Variants in NUDT7 observed in about 807,000 individuals in gnomAD.
NUDT7 encodes the protein nudix hydrolase 7.
A neutral mutation model predicts 13.1 loss-of-function variants in NUDT7; 19 were observed. The ratio of observed to expected loss-of-function variants is 1.45; its 90% CI spans 1.01 to 2.13. The LOEUF (loss-of-function observed/expected upper bound fraction) is 2.13, where lower values mean the gene tolerates loss of function less well. NUDT7 is among the 30% of genes most tolerant of loss of function. The pLI is 0.00. For missense variants in NUDT7, 360 were observed against 291.7 expected, an observed-to-expected ratio of 1.23 and a Z score of -1.71; for synonymous variants, 132 against 109.7, an observed-to-expected ratio of 1.20 and a Z score of -1.27.
chr16:77,731,528 T>C (rs903931872), intron 2 of NUDT7, among the ~76,000 whole-genome samples: 1 of 152,184 alleles, frequency 6.6e-6, no homozygotes, highest in African/African-American at 2.4e-5. Flanking sequence ...CACATACAAT[T>C]ATGCACAATA....
chr16:77,727,922 T>G (rs1386109782), intron 2 of NUDT7, among the ~76,000 whole-genome samples: 1 of 152,098 alleles, frequency 6.6e-6, no homozygotes, highest in Non-Finnish European at 1.5e-5. Flanking sequence ...AACAATAATA[T>G]AGGAAATCTA....
At chr16:77,733,695 C>T (rs1223957272) in intron 2 of NUDT7, among the ~76,000 whole-genome samples, 1 of 152,188 alleles carries the variant, frequency 6.6e-6, no homozygotes, top group Non-Finnish European at 1.5e-5. Flanking sequence ...CATTCCCGTG[C>T]ATCCGCTCCA....
intron 3 of NUDT7, among the ~76,000 whole-genome samples, chr16:77,738,174 G>T (rs2014548900): frequency 6.6e-6 from 1 of 152,136 alleles, no homozygotes; most frequent in Non-Finnish European, 1.5e-5. Flanking sequence ...GCATTTGGAG[G>T]ATTTACTTTA....
At chr16:77,740,613 G>A (rs891975686) in intron 3 of NUDT7, among the ~76,000 whole-genome samples, 6 of 152,036 alleles carry the variant, frequency 3.9e-5, no homozygotes, top group East Asian at 1.9e-4. Flanking sequence ...GCATGATCTC[G>A]GCTCACTGCA....
At chr16:77,732,203 C>T (rs2014338906) in intron 2 of NUDT7, among the ~76,000 whole-genome samples, 1 of 151,978 alleles carries the variant, frequency 6.6e-6, no homozygotes, top group Non-Finnish European at 1.5e-5. Flanking sequence ...TGGCGGGTGC[C>T]TGTAATTCCA....
At chr16:77,740,863 C>T (rs570510128) in intron 3 of NUDT7, among the ~76,000 whole-genome samples, 6 of 152,234 alleles carry the variant, frequency 3.9e-5, no homozygotes, top group Admixed American at 3.3e-4. Context: ...TGTTCATTTG[C>T]AAGCAGTTGT....
At chr16:77,727,955 A>G (rs896061970) in intron 2 of NUDT7, among the ~76,000 whole-genome samples, 20 of 152,108 alleles carry the variant, frequency 1.3e-4, no homozygotes, top group South Asian at 4.2e-4. Flanking sequence ...AACTCAACCA[A>G]CGGGGTCTCT....
rs994526743 is a variant in NUDT7 at position 77,742,014 on chromosome 16, A to G, written c.*64A>G. On this transcript the variant is annotated 3_prime_UTR_variant, in exon 4 of 4. Coordinates refer to ENST00000268533, the MANE Select transcript of NUDT7 (RefSeq NM_001105663.3). ...TCTGTGTGTGCTTATTCGTAGAACAACAACAATGCCAGCTGTTGGAATTTG... is the reference window on the plus strand; with the variant it reads ...TCTGTGTGTGCTTATTCGTAGAACAGCAACAATGCCAGCTGTTGGAATTTG... 3.3e-6 allele frequency: 5 copies of G among 1,503,218 alleles called. No homozygotes were observed. In the African/African-American group the frequency reaches 5.6e-5, roughly 17 times the overall value. The allele number at this position is 1,503,218 out of a possible 1,614,324, so 93.1% of individuals were successfully genotyped here. A position where few individuals can be genotyped will look rare whatever the true frequency, so the allele number is the denominator to read the frequency against.
intron 2 of NUDT7, among the ~76,000 whole-genome samples, chr16:77,730,703 A>C (rs990329185): frequency 1.3e-5 from 2 of 151,946 alleles, no homozygotes; most frequent in African/African-American, 4.8e-5. Context: ...TTCCACAATG[A>C]TTGTACTAAT....
chr16:77,741,454 A>G lies in NUDT7; in HGVS notation c.349-128A>G, dbSNP rs1037940610. On this transcript the variant is annotated intron_variant, in intron 3 of 3. Coordinates refer to ENST00000268533, the MANE Select transcript of NUDT7 (RefSeq NM_001105663.3). ...AGGGGGAACATAAATTTGTTTCCGG[A>G]ATAAGCTTTCTTCCCCTTCTCCCAG... 5.2e-6 allele frequency: 5 copies of G among 954,082 alleles called. 1 individual carries two copies. Among genetic ancestry groups the G allele is most frequent in the Non-Finnish European group, 7.6e-6 (5 of 657,682 alleles). The allele number at this position is 954,082 out of a possible 1,614,324, so 59.1% of individuals were successfully genotyped here. A position where few individuals can be genotyped will look rare whatever the true frequency, so the allele number is the denominator to read the frequency against.
chr16:77,742,186 A>G lies in NUDT7; in HGVS notation c.*236A>G, dbSNP rs957479407. 1.0e-5 allele frequency: 11 copies of G among 1,085,520 alleles called. No homozygotes were observed. Among genetic ancestry groups the G allele is most frequent in the Non-Finnish European group, 1.3e-5 (11 of 857,994 alleles). 67.2% of individuals were successfully genotyped at this position (1,085,520 alleles called of 1,614,324 possible). A position where few individuals can be genotyped will look rare whatever the true frequency, so the allele number is the denominator to read the frequency against. On this transcript the variant is annotated 3_prime_UTR_variant, in exon 4 of 4. Coordinates refer to ENST00000268533, the MANE Select transcript of NUDT7 (RefSeq NM_001105663.3). ...TATTTTCACCCACAATATGTTAATA[A>G]TATTTTTCTTACACATATAATAAAG...
chr16:77,729,291 T>C (rs770035528), intron 2 of NUDT7, among the ~76,000 whole-genome samples: 2 of 152,164 alleles, frequency 1.3e-5, no homozygotes, highest in African/African-American at 2.4e-5. Flanking sequence ...TGTAGAGATT[T>C]ATCCTGTACA....
intron 3 of NUDT7, among the ~76,000 whole-genome samples, chr16:77,738,750 C>T (rs2014567852): frequency 6.6e-6 from 1 of 152,172 alleles, no homozygotes; most frequent in African/African-American, 2.4e-5. Context: ...GCTACATAAG[C>T]CTTCCAGGCA....
At chr16:77,722,977 G>A (rs572046293) in intron 1 of NUDT7, among the ~76,000 whole-genome samples, 1 of 152,208 alleles carries the variant, frequency 6.6e-6, no homozygotes, top group African/African-American at 2.4e-5. Context: ...GCTACTTTCA[G>A]TTGTGACCTT....
chr16:77,741,629 C>G lies in NUDT7; in HGVS notation c.396C>G (p.Phe132Leu). The G allele has an allele frequency of 6.2e-7, 1 of 1,613,636 alleles. No homozygotes were observed. Among genetic ancestry groups the G allele is most frequent in the Non-Finnish European group, 8.5e-7 (1 of 1,179,926 alleles). Reference sequence around the variant, plus strand: ...TTGTGGGTTTAATAGACCACAACTTCCAGGCCCAGCCGAATCCTGCTGAAG... The same window carrying G: ...TTGTGGGTTTAATAGACCACAACTTGCAGGCCCAGCCGAATCCTGCTGAAG... ...TPFVGLIDHN[F>L]QAQPNPAEVK... Residue 132 changes from phenylalanine to leucine, a missense_variant, in exon 4 of 4, where the codon TTC becomes TTG. Coordinates refer to ENST00000268533, the MANE Select transcript of NUDT7 (RefSeq NM_001105663.3).
chr16:77,735,494 C>T (rs181443731), intron 2 of NUDT7: 60 of 621,262 alleles, frequency 9.7e-5, no homozygotes, highest in African/African-American at 1.4e-4. Context: ...GCTCCCTGTA[C>T]GGCCTGCGAG....
intron 1 of NUDT7, among the ~76,000 whole-genome samples, chr16:77,723,359 T>A (rs1289465742): frequency 6.6e-6 from 1 of 152,114 alleles, no homozygotes; most frequent in African/African-American, 2.4e-5. Context: ...ACACTGCCGT[T>A]ACCCAACCAC....
At chr16:77,741,528 T>A (rs201377016) in intron 3 of NUDT7, 54 bp from the exon 4 acceptor site, 2 of 1,508,818 alleles carry the variant, frequency 1.3e-6, no homozygotes, top group Non-Finnish European at 1.8e-6. Flanking sequence ...ATTTTAGGAT[T>A]TGAAGCAGTA....
intron 3 of NUDT7, among the ~76,000 whole-genome samples, chr16:77,740,827 C>T (rs916710925): frequency 5.9e-5 from 9 of 152,114 alleles, no homozygotes; most frequent in African/African-American, 9.7e-5. Context: ...GGATTACAGG[C>T]GTGAGCCACC....
Sources: allele counts gnomAD v4.1 joint callset (sites outside exome capture counted in the v4.1 genomes callset), GRCh38; gene constraint gnomAD v4.1.1; transcripts MANE v1.5; gene names NCBI Gene and HGNC (gene_info 2026-07-23, HGNC 2026-07-21).